Variants in LAT2 observed in about 807,000 individuals in gnomAD.
LAT2 encodes the protein linker for activation of T cells family member 2.
Under a neutral mutation model 43.4 loss-of-function variants are expected in LAT2, and 23 were observed. The ratio of observed to expected loss-of-function variants is 0.53; its 90% CI spans 0.38 to 0.75. LAT2 has a LOEUF of 0.75. LAT2 is among the 30% of genes least tolerant of loss of function. The pLI, the probability that LAT2 is intolerant of heterozygous loss-of-function variation, is 0.00. For synonymous variants in LAT2, 128 were observed against 123.2 expected (o/e 1.04, Z -0.26); for missense variants, 284 against 310.2 (o/e 0.92, Z 0.64).
intron 4 of LAT2, among the ~76,000 whole-genome samples, chr7:74,217,331 T>C (rs1554714427): frequency 6.6e-6 from 1 of 151,900 alleles, no homozygotes; most frequent in East Asian, 1.9e-4. Context: ...CTCTGGAGGC[T>C]GAGGCAGCAG....
Position 74,221,092 on chromosome 7 carries a change from C to T in LAT2, c.332+358C>T, listed in dbSNP as rs377573358. 1.1e-4 allele frequency among the ~76,000 whole-genome samples: 16 copies of T among 152,144 alleles called. No homozygotes were observed. The East Asian group carries it at 1.7e-3, about 17-fold the overall frequency. On this transcript the variant is annotated intron_variant, in intron 9 of 13. Transcript: ENST00000460943. The stretch of plus-strand genomic sequence containing the variant: ...GGTGTTGCATCATCTCACAGATGGG[C>T]AAACGATGGGGAATGGCCTAAGGTC...
chr7:74,220,112 CA>C lies in LAT2; in HGVS notation c.228-104del. ...CCTCCCTCCCCGAGTCCCAGAGCTCCAGGGCTCAGCTATGAAGGCCCCACAA... is the reference window on the plus strand; with the variant it reads ...CCTCCCTCCCCGAGTCCCAGAGCTCCGGGCTCAGCTATGAAGGCCCCACAA... On this transcript the variant is annotated intron_variant, in intron 6 of 13. Transcript: ENST00000460943. This position sits in a 1 kb window ranked among gnomAD's most constrained non-coding sequence, Gnocchi z 4.5. 1 of 1,564,552 alleles carries C rather than the reference CA, an allele frequency of 6.4e-7. No homozygotes were observed. The highest frequency in any genetic ancestry group is 8.7e-7 in the Non-Finnish European group (1 of 1,146,036).
Position 74,216,881 on chromosome 7 carries a change from T to G in LAT2, c.134+17T>G. Reference sequence around the variant, plus strand: ...GAGAAGTCTGTGAGTTGCCTCGATGTCCCTAGCCTGGTGTATTCATGTGCC... The same window carrying G: ...GAGAAGTCTGTGAGTTGCCTCGATGGCCCTAGCCTGGTGTATTCATGTGCC... On this transcript the variant is annotated intron_variant, in intron 4 of 13. Coordinates refer to ENST00000460943, the MANE Select transcript of LAT2 (RefSeq NM_032464.3). 6.2e-7 allele frequency: 1 copy of G among 1,611,400 alleles called. No individual in the cohort carries two copies.
In LAT2 at chr7:74,220,754, T is replaced by TC; in HGVS notation, c.332+26dup. On this transcript the variant is annotated intron_variant, in intron 9 of 13. Transcript: ENST00000460943. This position sits in a 1 kb window ranked among gnomAD's most constrained non-coding sequence, Gnocchi z 4.5. ...CTACATGTGAGTGACCTTGATCCTGTCCCCCCTGCCTCGCCTCTCCCCCTG... is the reference window on the plus strand; with the variant it reads ...CTACATGTGAGTGACCTTGATCCTGTCCCCCCCTGCCTCGCCTCTCCCCCTG... 1 of 1,528,826 alleles carries TC rather than the reference T, an allele frequency of 6.5e-7. No individual in the cohort carries two copies. The highest frequency in any genetic ancestry group is 1.4e-5 in the African/African-American group (1 of 72,564). 94.7% of individuals were successfully genotyped at this position (1,528,826 alleles called of 1,614,324 possible).
Position 74,220,693 on chromosome 7 carries a change from T to C in LAT2, c.302-11T>C, listed in dbSNP as rs1454116734. Reference sequence around the variant, plus strand: ...CAGGGGCTCAGGCCCAATTCTCGCCTCCTCCCGCAGGAAGCAGACACGGGT... The same window carrying C: ...CAGGGGCTCAGGCCCAATTCTCGCCCCCTCCCGCAGGAAGCAGACACGGGT... On this transcript the variant is annotated splice_polypyrimidine_tract_variant and intron_variant, in intron 8 of 13. Coordinates refer to ENST00000460943, the MANE Select transcript of LAT2 (RefSeq NM_032464.3). This position sits in a 1 kb window ranked among gnomAD's most constrained non-coding sequence, Gnocchi z 4.5. The C allele has an allele frequency of 6.2e-7, 1 of 1,609,842 alleles. No individual in the cohort carries two copies. Among genetic ancestry groups the C allele is most frequent in the Non-Finnish European group, 8.5e-7 (1 of 1,176,646 alleles).
chr7:74,225,544 C>T (rs1353487312), intron 13 of LAT2: 2 of 152,334 alleles, frequency 1.3e-5, no homozygotes, highest in Non-Finnish European at 2.9e-5. Flanking sequence ...GATGGTGCGG[C>T]GCTAAGCGCT....
rs1802600473 is a variant in LAT2, at chr7:74,229,156, CCA to C, written c.*232_*233del. The C allele has an allele frequency of 6.6e-6, 1 of 152,256 alleles. No homozygotes were observed. Among genetic ancestry groups the C allele is most frequent in the South Asian group, 2.1e-4 (1 of 4,832 alleles). The allele number at this position is 152,256 out of a possible 1,614,324, so 9.4% of individuals were successfully genotyped here. A position where few individuals can be genotyped will look rare whatever the true frequency, so the allele number is the denominator to read the frequency against. Reference sequence around the variant, plus strand: ...GCCCGTCACCAAGCCCTCTCCCGACCCAGGCTTTGTGGGGCAGGCACCTGGTA... The same window carrying C: ...GCCCGTCACCAAGCCCTCTCCCGACCGGCTTTGTGGGGCAGGCACCTGGTA... On this transcript the variant is annotated 3_prime_UTR_variant, in exon 14 of 14. Transcript: ENST00000460943.
intron 2 of LAT2, chr7:74,215,274 C>T (rs1437670932): frequency 6.5e-6 from 1 of 153,206 alleles, no homozygotes; most frequent in Non-Finnish European, 1.5e-5. Flanking sequence ...CCTCCCTCCT[C>T]CCAGCTCCCA....
At chr7:74,226,291 C>T (rs1426552907) in intron 13 of LAT2, 1 of 152,054 alleles carries the variant, frequency 6.6e-6, no homozygotes, top group Non-Finnish European at 1.5e-5. Context: ...GCACACGCCA[C>T]CATGTCCAGC....
In LAT2 at chr7:74,219,816, C is replaced by T; in HGVS notation, c.178+29C>T. The T allele has an allele frequency of 1.9e-6, 3 of 1,613,802 alleles. No homozygotes were observed. In the African/African-American group the frequency reaches 4.0e-5, roughly 22 times the overall value. ...AGTCTCCAAGTGTCCCCGGGTTGGGCTCTGGGTTGGGGGTGTCCCTATCAA... is the reference window on the plus strand; with the variant it reads ...AGTCTCCAAGTGTCCCCGGGTTGGGTTCTGGGTTGGGGGTGTCCCTATCAA... On this transcript the variant is annotated intron_variant, in intron 5 of 13. Transcript: ENST00000460943.
chr7:74,219,695 G>A (rs781831527), intron 4 of LAT2, 49 bp from the exon 5 acceptor site: 7 of 1,611,086 alleles, frequency 4.3e-6, no homozygotes, highest in Admixed American at 1.7e-5. Flanking sequence ...CTGTGTTCTT[G>A]GGCTGTGGGA....
intron 10 of LAT2, 147 bp downstream of exon 10, chr7:74,221,839 AGGCGGG>A: frequency 4.1e-6 from 1 of 245,140 alleles, no homozygotes; most frequent in Non-Finnish European, 7.7e-6. Flanking sequence ...CTGGTGCTGC[AGGCGGG>A]GGCCAAGAAG....
chr7:74,225,439 G>C (rs1802451653), intron 13 of LAT2: 1 of 152,292 alleles, frequency 6.6e-6, no homozygotes, highest in Non-Finnish European at 1.5e-5. Context: ...CAGCCCAGCA[G>C]GCACTCGGTC....
chr7:74,225,067 T>G, intron 13 of LAT2: 1 of 220,334 alleles, frequency 4.5e-6, no homozygotes, highest in Non-Finnish European at 9.2e-6. Context: ...CAGAACTTAG[T>G]TCCTCACTTG....
chr7:74,216,254 T>C (rs1802043450), intron 3 of LAT2, among the ~76,000 whole-genome samples, 185 bp downstream of exon 3: 1 of 151,970 alleles, frequency 6.6e-6, no homozygotes, highest in South Asian at 2.1e-4. Flanking sequence ...TTGGCTTTGC[T>C]GGGTCAACTG....
At chr7:74,213,635 G>C (rs1429865422) in intron 1 of LAT2, among the ~76,000 whole-genome samples, 1 of 151,926 alleles carries the variant, frequency 6.6e-6, no homozygotes, top group Non-Finnish European at 1.5e-5. Flanking sequence ...ATGTTGGTCA[G>C]GCTAGTCTCG....
At chr7:74,224,534 T>C in intron 12 of LAT2, 105 bp from the exon 13 acceptor site, 1 of 979,400 alleles carries the variant, frequency 1.0e-6, no homozygotes. Context: ...GGCGTGGCAT[T>C]TCCCGCGGGC....
In LAT2 at chr7:74,216,850, C is replaced by T; in HGVS notation, c.120C>T (p.Tyr40=). Residue 40 remains tyrosine (Y), a synonymous_variant, in exon 4 of 14, where the codon TAC becomes TAT. Transcript: ENST00000460943. Reference sequence around the variant, plus strand: ...GTGCAAAGAGGTCAGAGAAAATCTACCAGCAGAGAAGTCTGTGAGTTGCCT... The same window carrying T: ...GTGCAAAGAGGTCAGAGAAAATCTATCAGCAGAGAAGTCTGTGAGTTGCCT... ...RPGAKRSEKI[Y]QQRSLREDQQ... 6.2e-7 allele frequency: 1 copy of T among 1,613,806 alleles called. No individual in the cohort carries two copies. Among genetic ancestry groups the T allele is most frequent in the Non-Finnish European group, 8.5e-7 (1 of 1,179,770 alleles).
Position 74,220,417 on chromosome 7 carries a change from C to A in LAT2, c.265+163C>A. 8.2e-7 allele frequency: 1 copy of A among 1,224,240 alleles called. No individual in the cohort carries two copies. The highest frequency in any genetic ancestry group is 1.2e-6 in the Non-Finnish European group (1 of 853,618). The allele number at this position is 1,224,240 out of a possible 1,614,324, so 75.8% of individuals were successfully genotyped here. On this transcript the variant is annotated intron_variant, in intron 7 of 13. Coordinates refer to ENST00000460943, the MANE Select transcript of LAT2 (RefSeq NM_032464.3). The surrounding 1 kb of genome is among the most constrained non-coding windows in gnomAD (Gnocchi z 4.5). ...GGGCAGGGCAGGCTCCTGGAATCGGCCTGGCAGGGGGAGGGTGCACACTCG... is the reference window on the plus strand; with the variant it reads ...GGGCAGGGCAGGCTCCTGGAATCGGACTGGCAGGGGGAGGGTGCACACTCG...
Sources: allele counts gnomAD v4.1 joint callset (sites outside exome capture counted in the v4.1 genomes callset), GRCh38; gene constraint gnomAD v4.1.1; non-coding constraint Gnocchi (gnomAD v3.1); transcripts MANE v1.5; gene names NCBI Gene and HGNC (gene_info 2026-07-23, HGNC 2026-07-21).